PCDHA1: variants seen among roughly 807,000 people sequenced by gnomAD.
PCDHA1 encodes the protein protocadherin alpha 1, also known as protocadherin alpha-1.
In PCDHA1, 42 loss-of-function variants were observed where a neutral mutation model predicts 61.3. The ratio of observed to expected loss-of-function variants is 0.69; its 90% CI spans 0.54 to 0.89. PCDHA1 has a LOEUF of 0.89. Among genes scored for constraint, PCDHA1 ranks in the 40% least tolerant of loss-of-function variants. The probability of loss-of-function intolerance (pLI) is 0.00; values close to 1 mark genes in which losing one functional copy is unlikely to be tolerated. For missense variants in PCDHA1, 1,256 were observed against 1,235.3 expected (o/e 1.02, Z -0.25); for synonymous variants, 610 against 553.8 (o/e 1.10, Z -1.43).
rs2150121761 is a variant in PCDHA1 at position 140,823,056 on chromosome 5, G to A, written c.2394+34372G>A. 3.0e-3 allele frequency: 4,897 copies of A among 1,614,054 alleles called. 120 individuals are homozygous for A. The African/African-American group carries it at 0.055, about 18-fold the overall frequency. On this transcript the variant is annotated intron_variant, in intron 1 of 3. Transcript: ENST00000504120. The stretch of plus-strand genomic sequence containing the variant: ...TCTATGAGCTGGTGGTGACCGCGCG[G>A]GACGGGGGCTCGCCTTCGCTGTGGG...
intron 1 of PCDHA1, among the ~76,000 whole-genome samples, chr5:140,827,126 A>G (rs1769190900): frequency 6.6e-6 from 1 of 152,226 alleles, no homozygotes; most frequent in Admixed American, 6.5e-5. Flanking sequence ...TGACAATTAG[A>G]AACATAGAAA....
intron 1 of PCDHA1, chr5:140,867,274 C>T (rs2049858759): frequency 6.6e-6 from 1 of 151,960 alleles, no homozygotes; most frequent in Non-Finnish European, 1.5e-5. Flanking sequence ...CAAAATAAAC[C>T]TGATGTGCTT....
chr5:140,793,748 G>C (rs1269752604), intron 1 of PCDHA1, among the ~76,000 whole-genome samples: 1 of 152,000 alleles, frequency 6.6e-6, no homozygotes, highest in Non-Finnish European at 1.5e-5. Context: ...AACAAAAGAA[G>C]ATATTCTCAA....
intron 1 of PCDHA1, chr5:140,802,587 G>T (rs781821131): frequency 1.2e-6 from 2 of 1,614,126 alleles, no homozygotes; most frequent in Non-Finnish European, 1.7e-6. Flanking sequence ...CACGGTGTTC[G>T]TGAAGGAGAA....
intron 1 of PCDHA1, among the ~76,000 whole-genome samples, chr5:140,923,974 C>A (rs2081604148): frequency 6.6e-6 from 1 of 152,212 alleles, no homozygotes; most frequent in African/African-American, 2.4e-5. Flanking sequence ...CCCACACATA[C>A]TATCCCTCTA....
intron 3 of PCDHA1, among the ~76,000 whole-genome samples, chr5:140,996,592 C>T (rs2097733979): frequency 6.7e-6 from 1 of 149,052 alleles, no homozygotes; most frequent in African/African-American, 2.4e-5. Context: ...AGGGCCGCCT[C>T]CCCCCATTTT....
At chr5:140,894,317 A>G (rs2064424513) in intron 1 of PCDHA1, among the ~76,000 whole-genome samples, 1 of 152,034 alleles carries the variant, frequency 6.6e-6, no homozygotes, top group Non-Finnish European at 1.5e-5. Flanking sequence ...TTCTTAAATT[A>G]TAGATTTTAG....
intron 3 of PCDHA1, among the ~76,000 whole-genome samples, chr5:141,000,999 A>G (rs1315543518): frequency 6.6e-6 from 1 of 152,234 alleles, no homozygotes; most frequent in Non-Finnish European, 1.5e-5. Context: ...TATGCTTTAA[A>G]TATGTATTTA....
intron 1 of PCDHA1, chr5:140,927,135 G>T: frequency 6.2e-7 from 1 of 1,614,062 alleles, no homozygotes; most frequent in Non-Finnish European, 8.5e-7. Flanking sequence ...GAGAGCCGGC[G>T]GACCGCGAAC....
At chr5:140,792,255 C>T (rs1337107048) in intron 1 of PCDHA1, among the ~76,000 whole-genome samples, 1 of 152,056 alleles carries the variant, frequency 6.6e-6, no homozygotes, top group East Asian at 1.9e-4. Flanking sequence ...TTACTATATG[C>T]CTTCTCTTTT....
At chr5:140,837,391 T>A (rs1444543611) in intron 1 of PCDHA1, among the ~76,000 whole-genome samples, 1 of 152,024 alleles carries the variant, frequency 6.6e-6, no homozygotes, top group East Asian at 1.9e-4. Context: ...GTTCCTTGTT[T>A]GTATAAGAAA....
At chr5:140,851,764 C>T (rs1282695804) in intron 1 of PCDHA1, 1 of 969,228 alleles carries the variant, frequency 1.0e-6, no homozygotes, top group Non-Finnish European at 1.2e-6. Context: ...AAAACATTAC[C>T]CTTATGAATT....
intron 1 of PCDHA1, among the ~76,000 whole-genome samples, chr5:140,960,268 C>T (rs909300103): frequency 3.3e-5 from 5 of 152,222 alleles, no homozygotes; most frequent in African/African-American, 7.2e-5. Context: ...TGATAAATTC[C>T]GTCACCTTTT....
chr5:140,970,248 A>G (rs1385121881), intron 1 of PCDHA1, among the ~76,000 whole-genome samples: 1 of 152,142 alleles, frequency 6.6e-6, no homozygotes, highest in Non-Finnish European at 1.5e-5. Context: ...TTCTGTTGAC[A>G]GTTTCTATGG....
chr5:140,961,929 G>C (rs1387333199), intron 1 of PCDHA1, among the ~76,000 whole-genome samples: 1 of 151,712 alleles, frequency 6.6e-6, no homozygotes, highest in Non-Finnish European at 1.5e-5. Context: ...TGTTGCCCAG[G>C]CTGGAGTGCA....
chr5:140,989,575 G>A (rs2097349164), intron 3 of PCDHA1, among the ~76,000 whole-genome samples: 3 of 152,210 alleles, frequency 2.0e-5, no homozygotes. Flanking sequence ...GGCAAGCCCT[G>A]TCCTCAGCCT....
chr5:140,941,310 C>T (rs1375547519), intron 1 of PCDHA1, among the ~76,000 whole-genome samples: 10 of 79,218 alleles, frequency 1.3e-4, no homozygotes, highest in Non-Finnish European at 1.8e-4. Flanking sequence ...CTTTCTTTTT[C>T]TTCTTTCTCT....
intron 1 of PCDHA1, among the ~76,000 whole-genome samples, chr5:140,978,211 A>T (rs185344384): frequency 1.3e-5 from 2 of 152,340 alleles, no homozygotes; most frequent in African/African-American, 4.8e-5. Flanking sequence ...AACTAATGCA[A>T]AATGTATCAG....
intron 1 of PCDHA1, chr5:140,881,443 G>A: frequency 1.2e-6 from 1 of 818,722 alleles, no homozygotes; most frequent in Non-Finnish European, 1.5e-6. Context: ...TATAAAAACA[G>A]AATCCAAAAC....
Sources: gnomAD v4.1 joint callset for allele counts (sites outside exome capture counted in the v4.1 genomes callset) on GRCh38, gnomAD v4.1.1 for gene constraint, MANE v1.5 for transcripts, NCBI Gene and HGNC (gene_info 2026-07-23, HGNC 2026-07-21) for gene names.